RBBP9: variants seen among roughly 807,000 people sequenced by gnomAD.
RBBP9 encodes the protein serine hydrolase RBBP9.
RBBP9 carries 20 observed loss-of-function variants against 24.2 expected under a neutral mutation model. The ratio of observed to expected loss-of-function variants is 0.83; its 90% CI spans 0.58 to 1.20. The LOEUF is 1.20. RBBP9 is among the 50% of genes most tolerant of loss of function. The pLI, the probability that RBBP9 is intolerant of heterozygous loss-of-function variation, is 0.00. For synonymous variants in RBBP9, 74 were observed against 84.6 expected (o/e 0.87, Z 0.69); for missense variants, 234 against 233.6 (o/e 1.00, Z -0.01).
intron 3 of RBBP9, among the ~76,000 whole-genome samples, chr20:18,491,819 G>C (rs760799675): frequency 1.3e-5 from 2 of 151,716 alleles, no homozygotes; most frequent in Non-Finnish European, 2.9e-5. Flanking sequence ...CACCTAGGCC[G>C]GGCACGGTGG....
intron 4 of RBBP9, 143 bp downstream of exon 4, chr20:18,490,252 T>C (rs572338692): frequency 1.4e-5 from 10 of 692,538 alleles, no homozygotes; most frequent in South Asian, 7.5e-5. Flanking sequence ...TGCAAACTTA[T>C]ATCCAAAGAT....
chr20:18,492,096 C>CAAAAAAAA (rs71194242), intron 3 of RBBP9, among the ~76,000 whole-genome samples: 50 of 69,968 alleles, frequency 7.1e-4, no homozygotes, highest in Non-Finnish European at 1.0e-3. Flanking sequence ...GGCTCTGTCT[C>CAAAAAAAA]AAAAAAAAAA....
chr20:18,497,220 G>A lies in RBBP9; in HGVS notation c.-53C>T. 2.1e-6 allele frequency: 3 copies of A among 1,448,180 alleles called. No homozygotes were observed. The highest frequency in any genetic ancestry group is 3.5e-5 in the Admixed American group (2 of 57,162). 89.7% of individuals were successfully genotyped at this position (1,448,180 alleles called of 1,614,324 possible). On this transcript the variant is annotated 5_prime_UTR_variant, in exon 1 of 5. Transcript: ENST00000337227. ...CGCGGGTCCAGCGGAGCTGAGCCCA[G>A]CCTGCTCCCGCAGGGAGCCTGCGCC...
At position 18,493,979 on chromosome 20, in the gene RBBP9, G is replaced by A; in HGVS notation, c.227C>T (p.Ser76Phe). 6.2e-7 allele frequency: 1 copy of A among 1,613,038 alleles called. No homozygotes were observed. The highest frequency in any genetic ancestry group is 8.5e-7 in the Non-Finnish European group (1 of 1,179,664). Residue 76 changes from serine to phenylalanine, a missense_variant, in exon 3 of 5, where the codon TCT (serine) becomes TTT (phenylalanine). Transcript: ENST00000337227. ...DEKTIIIGHS[S>F]GAIAAMRYAE... ...GCACCTCATGGCCGCGATGGCCCCA[G>A]AACTGTGGCCAATGATGATAGTCTT... is the stretch of plus-strand genomic sequence containing the variant.
rs1008351533 is a variant in RBBP9, at chr20:18,489,244, G to A, written c.*520C>T. On this transcript the variant is annotated 3_prime_UTR_variant, in exon 5 of 5. Coordinates refer to ENST00000337227, the MANE Select transcript of RBBP9 (RefSeq NM_006606.3). The stretch of plus-strand genomic sequence containing the variant: ...TGTCTCAGTCTCTCTCAACATGTCT[G>A]AAGGACTTAGGGGCAAGTGTCAGAG... 5.2e-5 allele frequency: 8 copies of A among 152,634 alleles called. No individual in the cohort carries two copies. Among genetic ancestry groups the A allele is most frequent in the African/African-American group, 1.9e-4 (8 of 41,440 alleles). The allele number at this position is 152,634 out of a possible 1,614,324, so 9.5% of individuals were successfully genotyped here.
chr20:18,490,019 T>A, intron 4 of RBBP9, 29 bp from the exon 5 acceptor site: 1 of 1,500,982 alleles, frequency 6.7e-7, no homozygotes, highest in Non-Finnish European at 9.2e-7. Context: ...GATCTTTCAG[T>A]ACCCATGGAT....
rs528330321 is a variant in RBBP9, at chr20:18,487,125, A to G, written c.*2639T>C. The G allele has an allele frequency of 6.6e-6, 1 of 152,224 alleles. No individual in the cohort carries two copies. The highest frequency in any genetic ancestry group is 2.4e-5 in the African/African-American group (1 of 41,452). 9.4% of individuals were successfully genotyped at this position (152,224 alleles called of 1,614,324 possible). Reference sequence around the variant, plus strand: ...TTCTATAATGACGGAAATAGCCTATATTGGCTGGTCAGTAAGGTAACCAAT... The same window carrying G: ...TTCTATAATGACGGAAATAGCCTATGTTGGCTGGTCAGTAAGGTAACCAAT... On this transcript the variant is annotated 3_prime_UTR_variant, in exon 5 of 5. Transcript: ENST00000337227.
Position 18,490,395 on chromosome 20 carries a change from C to T in RBBP9, c.334G>A (p.Gly112Arg). The T allele has an allele frequency of 1.2e-5, 19 of 1,611,352 alleles. No homozygotes were observed. The highest frequency in any genetic ancestry group is 1.6e-5 in the Non-Finnish European group (19 of 1,177,526). The change falls in exon 4 of 5, where the codon GGA (glycine) becomes AGA (arginine). Residue 112 changes from glycine (G) to arginine (R), a missense_variant and splice_region_variant. Physicochemically the swap from Gly to Arg is moderately radical, Grantham distance 125 (BLOSUM62 -2). Coordinates refer to ENST00000337227, the MANE Select transcript of RBBP9 (RefSeq NM_006606.3). ...DLGDENERASGYFTRPWQWEK... is the reference protein window; with the variant it reads ...DLGDENERASRYFTRPWQWEK... ...CTCAGATTTCTACCTTTGGACTTAC[C>T]ACTTGCACGCTCATTTTCATCCCCC...
chr20:18,491,678 ATAG>A (rs1473882851), intron 3 of RBBP9, among the ~76,000 whole-genome samples: 1 of 152,190 alleles, frequency 6.6e-6, no homozygotes, highest in African/African-American at 2.4e-5. Context: ...GGAAAGACAC[ATAG>A]TAGTAATAAT....
In RBBP9 at chr20:18,489,773, T is replaced by G. The variant is rs763247387; in HGVS notation, c.552A>C (p.Val184=). The G allele has an allele frequency of 2.5e-6, 4 of 1,603,802 alleles. No individual in the cohort carries two copies. The South Asian group carries it at 4.4e-5, about 18-fold the overall frequency. ...GCAGAAATCATACAGTCTATGCTGG[T>G]ACTTTCAGCAAAGACTTTACAACAG... The part of the protein sequence containing the change: ...LITVVKSLLK[V]PA The change falls in exon 5 of 5, where the codon GTA becomes GTC. Residue 184 remains valine, a synonymous_variant. Transcript: ENST00000337227.
rs572574223 is a variant in RBBP9, at chr20:18,489,042, T to C, written c.*722A>G. 21 of 151,864 alleles carry C rather than the reference T, an allele frequency of 1.4e-4. No homozygotes were observed. The highest frequency in any genetic ancestry group is 4.8e-4 in the African/African-American group (20 of 41,398). The allele number at this position is 151,864 out of a possible 1,614,324, so 9.4% of individuals were successfully genotyped here. On this transcript the variant is annotated 3_prime_UTR_variant, in exon 5 of 5. Coordinates refer to ENST00000337227, the MANE Select transcript of RBBP9 (RefSeq NM_006606.3). ...TGGAGATTTTTTTCCACACAAAAAATCAGAAAATTGGCAACACTCTGCCCC... is the reference window on the plus strand; with the variant it reads ...TGGAGATTTTTTTCCACACAAAAAACCAGAAAATTGGCAACACTCTGCCCC...
In RBBP9 at chr20:18,489,796, C is replaced by G. The variant is rs1391743664; in HGVS notation, c.529G>C (p.Val177Leu). 5.6e-6 allele frequency: 9 copies of G among 1,613,304 alleles called. No individual in the cohort carries two copies. The highest frequency in any genetic ancestry group is 7.6e-6 in the Non-Finnish European group (9 of 1,179,412). ...GGTACTTTCAGCAAAGACTTTACAA[C>G]AGTAATCAGTTCATGAAACTCTGTG... ...QNTEFHELIT[V>L]VKSLLKVPA The change falls in exon 5 of 5, where the codon GTT becomes CTT. Residue 177 changes from valine (V) to leucine (L), a missense_variant. Coordinates refer to ENST00000337227, the MANE Select transcript of RBBP9 (RefSeq NM_006606.3).
rs189335136 is a variant in RBBP9 at position 18,490,081 on chromosome 20, G to A, written c.335-91C>T. 500 of 883,684 alleles carry A rather than the reference G, an allele frequency of 5.7e-4. 1 individual carries two copies. The highest frequency in any genetic ancestry group is 4.7e-3 in the African/African-American group (280 of 59,192). The allele number at this position is 883,684 out of a possible 1,614,324, so 54.7% of individuals were successfully genotyped here. On this transcript the variant is annotated intron_variant, in intron 4 of 4. Transcript: ENST00000337227. ...ACCTACTGGCGACCCACATAGAGACGCAAAGGAGCAGAGCCTCCGTGTGAG... is the reference window on the plus strand; with the variant it reads ...ACCTACTGGCGACCCACATAGAGACACAAAGGAGCAGAGCCTCCGTGTGAG...
chr20:18,490,425 C>A lies in RBBP9; in HGVS notation c.304G>T (p.Asp102Tyr), dbSNP rs777910281. The part of the protein sequence containing the change: ...AIVLVSAYTS[D>Y]LGDENERASG... ...GCACGCTCATTTTCATCCCCCAAGT[C>A]TGATGTGTACGCAGACACTAATACA... The change falls in exon 4 of 5, where the codon GAC (aspartate) becomes TAC (tyrosine). Residue 102 changes from aspartate to tyrosine, a missense_variant. Asp to Tyr is a radical substitution (Grantham distance 160). Coordinates refer to ENST00000337227, the MANE Select transcript of RBBP9 (RefSeq NM_006606.3). 5 of 1,613,824 alleles carry A rather than the reference C, an allele frequency of 3.1e-6. No homozygotes were observed. The East Asian group carries it at 1.1e-4, about 36-fold the overall frequency.
rs199550613 is a variant in RBBP9, at chr20:18,489,994, T to C, written c.335-4A>G. 1.3e-6 allele frequency: 2 copies of C among 1,580,012 alleles called. No homozygotes were observed. Among genetic ancestry groups the C allele is most frequent in the East Asian group, 4.5e-5 (2 of 44,232 alleles). Reference sequence around the variant, plus strand: ...TGCCAGGGGCGGGTGAAGTATCCTATGGGGAAAAAAAAATGATCTTTCAGT... The same window carrying C: ...TGCCAGGGGCGGGTGAAGTATCCTACGGGGAAAAAAAAATGATCTTTCAGT... On this transcript the variant is annotated splice_polypyrimidine_tract_variant and splice_region_variant and intron_variant, in intron 4 of 4. Transcript: ENST00000337227.
At position 18,489,854 on chromosome 20, in the gene RBBP9, C is replaced by T. The variant is rs2059857974; in HGVS notation, c.471G>A (p.Leu157=). ...AGTGGCCACAGTCAGTGAATTTGTG[C>T]AATTTGGTTTCCAACCTATCGGCCA... ...QEVADRLETK[L]HKFTDCGHFQ... The change falls in exon 5 of 5, where the codon TTG becomes TTA. Residue 157 remains leucine (L), a synonymous_variant. Transcript: ENST00000337227. 1 of 1,613,958 alleles carries T rather than the reference C, an allele frequency of 6.2e-7. No homozygotes were observed. The highest frequency in any genetic ancestry group is 1.3e-5 in the African/African-American group (1 of 74,896).
At chr20:18,494,237 T>G (rs2059875829) in intron 2 of RBBP9, among the ~76,000 whole-genome samples, 174 bp from the exon 3 acceptor site, 1 of 151,544 alleles carries the variant, frequency 6.6e-6, no homozygotes, top group Non-Finnish European at 1.5e-5. Context: ...TATTACTACT[T>G]GAAAGATCCA....
rs2148872053 is a variant in RBBP9, at chr20:18,487,263, A to C, written c.*2501T>G. On this transcript the variant is annotated 3_prime_UTR_variant, in exon 5 of 5. Coordinates refer to ENST00000337227, the MANE Select transcript of RBBP9 (RefSeq NM_006606.3). ...ACTATATTTGGCAGCAAAGTTCAACAATCCTATAGGTCTATCTTAATTACT... is the reference window on the plus strand; with the variant it reads ...ACTATATTTGGCAGCAAAGTTCAACCATCCTATAGGTCTATCTTAATTACT... The C allele has an allele frequency of 6.6e-6, 1 of 152,334 alleles. No homozygotes were observed. Among genetic ancestry groups the C allele is most frequent in the South Asian group, 2.1e-4 (1 of 4,828 alleles). The allele number at this position is 152,334 out of a possible 1,614,324, so 9.4% of individuals were successfully genotyped here.
rs1314330737 is a variant in RBBP9, at chr20:18,490,426, T to C, written c.303A>G (p.Ser101=). The part of the protein sequence containing the change: ...YAIVLVSAYT[S]DLGDENERAS... ...CACGCTCATTTTCATCCCCCAAGTC[T>C]GATGTGTACGCAGACACTAATACAA... Residue 101 remains serine, a synonymous_variant, in exon 4 of 5, where the codon TCA becomes TCG. Coordinates refer to ENST00000337227, the MANE Select transcript of RBBP9 (RefSeq NM_006606.3). 1 of 1,613,858 alleles carries C rather than the reference T, an allele frequency of 6.2e-7. No homozygotes were observed. The highest frequency in any genetic ancestry group is 1.7e-5 in the Admixed American group (1 of 60,000).
Sources: allele counts gnomAD v4.1 joint callset (sites outside exome capture counted in the v4.1 genomes callset), GRCh38; gene constraint gnomAD v4.1.1; transcripts MANE v1.5; gene names NCBI Gene and HGNC (gene_info 2026-07-23, HGNC 2026-07-21).